The following ZNF892 variants were observed in gnomAD, a reference collection of about 807,000 sequenced individuals.
ZNF892 encodes zinc finger protein 892, also known as zinc finger protein 570-like.
the ZNF892 span, among the ~76,000 whole-genome samples, chr2:95,245,245 A>AT: frequency 3.3e-3 from 258 of 77,674 alleles, 1 homozygote; most frequent in Middle Eastern, 0.014. Flanking sequence ...CCTGGAGCTG[A>AT]TTTTTTTTTT....
the ZNF892 span, chr2:95,214,933 C>G: frequency 4.0e-6 from 2 of 499,234 alleles, no homozygotes; most frequent in African/African-American, 4.0e-5. Context: ...ATAATTCATA[C>G]TGGAGAAAAA....
chr2:95,261,130 A>T, the ZNF892 span, among the ~76,000 whole-genome samples: 1 of 152,162 alleles, frequency 6.6e-6, no homozygotes, highest in Non-Finnish European at 1.5e-5. Flanking sequence ...GAGGAGACTC[A>T]TGACAACCCA....
chr2:95,261,522 T>C, the ZNF892 span, among the ~76,000 whole-genome samples: 123 of 152,322 alleles, frequency 8.1e-4, no homozygotes, highest in Non-Finnish European at 1.5e-3. Flanking sequence ...CTCGAACTCC[T>C]GACCTCAGGT....
At chr2:95,216,478 T>C in the ZNF892 span, among the ~76,000 whole-genome samples, 7 of 152,350 alleles carry the variant, frequency 4.6e-5, no homozygotes, top group South Asian at 2.1e-4. Context: ...ATCTAGTTTG[T>C]ACCTTAGATT....
the ZNF892 span, chr2:95,208,528 G>A: frequency 2.3e-5 from 9 of 396,868 alleles, no homozygotes; most frequent in Non-Finnish European, 4.0e-5. Context: ...GATATTATGC[G>A]ATTTTCGTTT....
the ZNF892 span, among the ~76,000 whole-genome samples, chr2:95,253,133 G>T: frequency 1.3e-5 from 2 of 151,960 alleles, no homozygotes; most frequent in Non-Finnish European, 1.5e-5. Flanking sequence ...GCCATTGCTT[G>T]GTGTTTTAGA....
At chr2:95,254,493 T>C in the ZNF892 span, among the ~76,000 whole-genome samples, 7 of 152,368 alleles carry the variant, frequency 4.6e-5, no homozygotes, top group African/African-American at 1.4e-4. Context: ...CAGTATTTTA[T>C]TGAGGATTTT....
At chr2:95,222,063 G>A in the ZNF892 span, among the ~76,000 whole-genome samples, 2 of 152,046 alleles carry the variant, frequency 1.3e-5, no homozygotes, top group Non-Finnish European at 2.9e-5. Context: ...TCACCACAAA[G>A]GGTACAGAAC....
chr2:95,251,191 A>G, the ZNF892 span, among the ~76,000 whole-genome samples: 61 of 152,168 alleles, frequency 4.0e-4, no homozygotes, highest in Non-Finnish European at 7.2e-4. Flanking sequence ...AAATGCAAAC[A>G]GAGATCTTAC....
the ZNF892 span, among the ~76,000 whole-genome samples, chr2:95,219,728 G>T: frequency 2.0e-5 from 3 of 152,212 alleles, no homozygotes; most frequent in Admixed American, 6.5e-5. Context: ...TGATACCACT[G>T]TGGTGGAGAA....
At chr2:95,249,452 T>C in the ZNF892 span, among the ~76,000 whole-genome samples, 1 of 150,330 alleles carries the variant, frequency 6.7e-6, no homozygotes, top group Admixed American at 6.6e-5. Flanking sequence ...TTTCACCATG[T>C]TGGTCAGGCT....
the ZNF892 span, chr2:95,214,223 T>G: frequency 5.0e-6 from 2 of 396,528 alleles, no homozygotes; most frequent in African/African-American, 4.1e-5. Flanking sequence ...GTGTTCCCTG[T>G]AAATATTCCT....
chr2:95,245,450 C>T, the ZNF892 span, among the ~76,000 whole-genome samples: 591 of 11,674 alleles, frequency 0.051, 42 homozygotes, highest in African/African-American at 0.15. Context: ...GTAGAGACGG[C>T]GGGGGGGGGG....
the ZNF892 span, among the ~76,000 whole-genome samples, chr2:95,234,045 C>T: frequency 1.5e-3 from 225 of 152,226 alleles, 2 homozygotes; most frequent in Non-Finnish European, 1.0e-3. Flanking sequence ...TTTTTTGAGA[C>T]GGAGTCTCGC....
At chr2:95,247,966 A>G in the ZNF892 span, among the ~76,000 whole-genome samples, 2 of 152,248 alleles carry the variant, frequency 1.3e-5, no homozygotes, top group African/African-American at 4.8e-5. Flanking sequence ...CTACTATTCA[A>G]TTCAGCAATC....
chr2:95,240,262 C>T, the ZNF892 span, among the ~76,000 whole-genome samples: 2 of 152,182 alleles, frequency 1.3e-5, no homozygotes, highest in East Asian at 3.9e-4. Context: ...TATCCAGGTT[C>T]TCACATTGGG....
At chr2:95,244,757 G>A in the ZNF892 span, among the ~76,000 whole-genome samples, 5 of 152,192 alleles carry the variant, frequency 3.3e-5, no homozygotes, top group South Asian at 2.1e-4. Flanking sequence ...TTACCACGTG[G>A]CATATACTCT....
At chr2:95,255,852 T>A in the ZNF892 span, among the ~76,000 whole-genome samples, 2 of 152,224 alleles carry the variant, frequency 1.3e-5, no homozygotes, top group African/African-American at 4.8e-5. Flanking sequence ...TTTGTCTCTT[T>A]TGATCTTTGT....
chr2:95,255,478 T>C, the ZNF892 span, among the ~76,000 whole-genome samples: 5 of 152,212 alleles, frequency 3.3e-5, no homozygotes, highest in African/African-American at 1.2e-4. Flanking sequence ...TTACATTTGC[T>C]GAGGAGTGCT....
Sources: gnomAD v4.1 joint callset for allele counts (sites outside exome capture counted in the v4.1 genomes callset) on GRCh38, gnomAD v4.1.1 for gene constraint, MANE v1.5 for transcripts, NCBI Gene and HGNC (gene_info 2026-07-23, HGNC 2026-07-21) for gene names.